The following PSMD7 variants were observed in gnomAD, a reference collection of about 807,000 sequenced individuals.
The protein encoded by PSMD7 is 26S proteasome non-ATPase regulatory subunit 7.
PSMD7 carries 13 observed loss-of-function variants against 36.4 expected under a neutral mutation model. The observed-to-expected ratio is 0.36, with a 90% CI of 0.23 to 0.57. The LOEUF is 0.57. Ranked by LOEUF, PSMD7 falls within the 20% of genes least tolerant of loss-of-function variation. The pLI is 0.83. For synonymous variants in PSMD7, 186 were observed against 151.0 expected (o/e 1.23, Z -1.70); for missense variants, 298 against 393.6 (o/e 0.76, Z 2.06).
rs200559407 is a variant in PSMD7 at position 74,296,991 on chromosome 16, G to A, written c.74+3G>A. 320 of 1,611,162 alleles carry A rather than the reference G, an allele frequency of 2.0e-4. 2 individuals are homozygous for A. The highest frequency in any genetic ancestry group is 2.6e-4 in the Non-Finnish European group (307 of 1,179,268). On this transcript the variant is annotated splice_donor_region_variant and intron_variant, in intron 1 of 6. Transcript: ENST00000219313. ...AGTGTGGTGGATCATTTCAACCGGTGAGCGAGCGCCCTATAGCTGGGCCGG... is the reference window on the plus strand; with the variant it reads ...AGTGTGGTGGATCATTTCAACCGGTAAGCGAGCGCCCTATAGCTGGGCCGG...
intron 1 of PSMD7, among the ~76,000 whole-genome samples, 185 bp downstream of exon 1, chr16:74,297,173 G>A (rs1441614442): frequency 1.3e-5 from 2 of 152,218 alleles, no homozygotes; most frequent in Admixed American, 6.5e-5. Flanking sequence ...TCCCGCCCCT[G>A]CCCCAGCCGC....
chr16:74,302,064 T>C (rs769740229), intron 4 of PSMD7, 148 bp from the exon 5 acceptor site: 4 of 677,342 alleles, frequency 5.9e-6, no homozygotes, highest in Non-Finnish European at 1.0e-5. Flanking sequence ...ATGAGATCAT[T>C]TGAAGCATAA....
At chr16:74,303,632 C>G (rs2034173051) in intron 5 of PSMD7, among the ~76,000 whole-genome samples, 1 of 151,680 alleles carries the variant, frequency 6.6e-6, no homozygotes, top group African/African-American at 2.4e-5. Flanking sequence ...TCGTTTGATC[C>G]AAGAGACAAA....
At chr16:74,300,066 A>C (rs140459294) in intron 1 of PSMD7, 49 bp from the exon 2 acceptor site, 2 of 1,491,246 alleles carry the variant, frequency 1.3e-6, no homozygotes, top group East Asian at 2.3e-5. Flanking sequence ...TGTTGGGTTC[A>C]TGTTTCTGTG....
rs767429948 is a variant in PSMD7 at position 74,305,303 on chromosome 16, C to G, written c.545C>G (p.Thr182Arg). 1 of 1,610,128 alleles carries G rather than the reference C, an allele frequency of 6.2e-7. No homozygotes were observed. The highest frequency in any genetic ancestry group is 1.7e-5 in the Admixed American group (1 of 59,948). Residue 182 changes from threonine to arginine, a missense_variant, in exon 7 of 7, where the codon ACG becomes AGG. Physicochemically the swap from Thr to Arg is moderately conservative, Grantham distance 71. Transcript: ENST00000219313. ...GGTTATTACAGAGATATCAAAGACACGACGGTGGGCACTCTGTCCCAGCGG... is the reference window on the plus strand; with the variant it reads ...GGTTATTACAGAGATATCAAAGACAGGACGGTGGGCACTCTGTCCCAGCGG... ...VEHLLRDIKDTTVGTLSQRIT... is the reference protein window; with the variant it reads ...VEHLLRDIKDRTVGTLSQRIT...
rs138964596 is a variant in PSMD7, at chr16:74,301,759, T to G, written c.357+107T>G. On this transcript the variant is annotated intron_variant, in intron 4 of 6. Transcript: ENST00000219313. ...AGTAGCAAATCTGCTTACTGCTTTA[T>G]CTCCATAAACTTCTGTTGATTTGTA... is the stretch of plus-strand genomic sequence containing the variant. The G allele has an allele frequency of 1.1e-4, 90 of 839,222 alleles. No homozygotes were observed. The African/African-American group carries it at 1.4e-3, about 13-fold the overall frequency. The allele number at this position is 839,222 out of a possible 1,614,324, so 52.0% of individuals were successfully genotyped here.
chr16:74,297,825 A>G (rs746183877), intron 1 of PSMD7, among the ~76,000 whole-genome samples: 4 of 152,220 alleles, frequency 2.6e-5, no homozygotes, highest in South Asian at 4.1e-4. Flanking sequence ...GGTCGTATCT[A>G]TGTTTGTCTT....
chr16:74,303,692 A>G (rs1202456168), intron 5 of PSMD7, among the ~76,000 whole-genome samples: 1 of 151,986 alleles, frequency 6.6e-6, no homozygotes, highest in Non-Finnish European at 1.5e-5. Flanking sequence ...CAGTACAGAT[A>G]TTCTGTATAT....
rs2034194629 is a variant in PSMD7, at chr16:74,306,053, T to G, written c.*320T>G. 1 of 197,336 alleles carries G rather than the reference T, an allele frequency of 5.1e-6. No individual in the cohort carries two copies. Among genetic ancestry groups the G allele is most frequent in the Admixed American group, 5.9e-5 (1 of 16,920 alleles). The allele number at this position is 197,336 out of a possible 1,614,324, so 12.2% of individuals were successfully genotyped here. On this transcript the variant is annotated 3_prime_UTR_variant, in exon 7 of 7. Coordinates refer to ENST00000219313, the MANE Select transcript of PSMD7 (RefSeq NM_002811.5). ...TTTATCTCTAAAACCAGGAGTTGAA[T>G]TTTCCTCATCTTGAAAGACTCTTGG...
chr16:74,300,323 G>A, intron 2 of PSMD7, 117 bp downstream of exon 2: 3 of 944,360 alleles, frequency 3.2e-6, no homozygotes, highest in Non-Finnish European at 3.3e-6. Flanking sequence ...TAAAATTGCT[G>A]AAGTATAGAA....
chr16:74,301,877 G>C (rs1158642847), intron 4 of PSMD7, among the ~76,000 whole-genome samples: 4 of 151,950 alleles, frequency 2.6e-5, no homozygotes, highest in African/African-American at 9.7e-5. Flanking sequence ...TAATCCTCTC[G>C]GTAACTGTAT....
Position 74,305,331 on chromosome 16 carries a change from C to T in PSMD7, c.573C>T (p.Ile191=), listed in dbSNP as rs1327999229. The T allele has an allele frequency of 6.2e-7, 1 of 1,613,860 alleles. No individual in the cohort carries two copies. The highest frequency in any genetic ancestry group is 1.7e-5 in the Admixed American group (1 of 60,008). ...CGGTGGGCACTCTGTCCCAGCGGAT[C>T]ACAAACCAGGTCCATGGTTTGAAGG... ...DTTVGTLSQR[I]TNQVHGLKGL... The change falls in exon 7 of 7, where the codon ATC becomes ATT. Residue 191 remains isoleucine, a synonymous_variant. Coordinates refer to ENST00000219313, the MANE Select transcript of PSMD7 (RefSeq NM_002811.5).
intron 1 of PSMD7, 97 bp from the exon 2 acceptor site, chr16:74,300,018 G>T (rs1567525267): frequency 1.9e-6 from 2 of 1,074,708 alleles, no homozygotes; most frequent in African/African-American, 1.6e-5. Context: ...AAACTAAATT[G>T]TATCTGTGCC....
rs539526173 is a variant in PSMD7, at chr16:74,306,084, G to C, written c.*351G>C. 2.4e-4 allele frequency: 41 copies of C among 173,070 alleles called. No homozygotes were observed. Among genetic ancestry groups the C allele is most frequent in the Non-Finnish European group, 4.8e-4 (39 of 81,382 alleles). The allele number at this position is 173,070 out of a possible 1,614,324, so 10.7% of individuals were successfully genotyped here. ...TCATCTTGAAAGACTCTTGGGGTCTGTTTCTGGTATTTTACAAAATTGCTA... is the reference window on the plus strand; with the variant it reads ...TCATCTTGAAAGACTCTTGGGGTCTCTTTCTGGTATTTTACAAAATTGCTA... On this transcript the variant is annotated 3_prime_UTR_variant, in exon 7 of 7. Transcript: ENST00000219313.
At chr16:74,304,231 A>G (rs763237053) in intron 5 of PSMD7, 72 bp from the exon 6 acceptor site, 14 of 1,341,706 alleles carry the variant, frequency 1.0e-5, no homozygotes, top group Admixed American at 8.5e-5. Context: ...CAAAAGACTC[A>G]GGGTGCGAAA....
intron 6 of PSMD7, chr16:74,304,712 C>T (rs1381671556): frequency 4.9e-6 from 1 of 202,426 alleles, no homozygotes; most frequent in African/African-American, 2.3e-5. Flanking sequence ...GCACTCTCCA[C>T]TAGGTGTCCT....
At chr16:74,302,163 CT>C in intron 4 of PSMD7, 48 bp from the exon 5 acceptor site, 3 of 1,479,220 alleles carry the variant, frequency 2.0e-6, no homozygotes, top group Non-Finnish European at 2.8e-6. Context: ...GAAATTACCC[CT>C]TTTGTGCTGG....
intron 1 of PSMD7, chr16:74,299,581 C>T (rs1029958445): frequency 3.1e-5 from 14 of 454,904 alleles, no homozygotes; most frequent in African/African-American, 1.8e-4. Context: ...GACAGGGTTT[C>T]GCCATGTTGC....
chr16:74,299,562 T>C, intron 1 of PSMD7: 1 of 455,376 alleles, frequency 2.2e-6, no homozygotes, highest in South Asian at 1.6e-5. Context: ...AAGTTTTGTA[T>C]TTTTTGTAGA....
Sources: allele counts gnomAD v4.1 joint callset (sites outside exome capture counted in the v4.1 genomes callset), GRCh38; gene constraint gnomAD v4.1.1; transcripts MANE v1.5; gene names NCBI Gene and HGNC (gene_info 2026-07-23, HGNC 2026-07-21).